KCND3: variants seen among roughly 807,000 people sequenced by gnomAD.
The protein encoded by KCND3 is potassium voltage-gated channel subfamily D member 3, also known as A-type voltage-gated potassium channel KCND3.
A neutral mutation model predicts 51.1 loss-of-function variants in KCND3; 9 were observed. That is an observed-to-expected ratio of 0.18 (90% CI 0.11 to 0.31). The LOEUF is 0.31. Among genes scored for constraint, KCND3 ranks in the 10% least tolerant of loss-of-function variants. The probability of loss-of-function intolerance (pLI) is 1.00; values close to 1 mark genes in which losing one functional copy is unlikely to be tolerated. For synonymous variants in KCND3, 349 were observed against 368.0 expected, an observed-to-expected ratio of 0.95 and a Z score of 0.59; for missense variants, 526 against 903.8, an observed-to-expected ratio of 0.58 and a Z score of 5.36.
At position 111,979,788 on chromosome 1, in the gene KCND3, G is replaced by A. The variant is rs115004102; in HGVS notation, c.1106+1833C>T. On this transcript the variant is annotated intron_variant, in intron 2 of 7. Transcript: ENST00000302127. ...TATGCAAAGTTCTTAGTACACTGCTGACATATAGTAGACAATCATATGCTG... is the reference window on the plus strand; with the variant it reads ...TATGCAAAGTTCTTAGTACACTGCTAACATATAGTAGACAATCATATGCTG... 2.6e-3 allele frequency among the ~76,000 whole-genome samples: 395 copies of A among 152,304 alleles called. 1 individual carries two copies. The highest frequency in any genetic ancestry group is 3.5e-3 in the Non-Finnish European group (235 of 68,026).
chr1:111,822,947 A>T (rs897050057), intron 2 of KCND3, among the ~76,000 whole-genome samples: 6 of 152,250 alleles, frequency 3.9e-5, no homozygotes, highest in Admixed American at 3.3e-4. Flanking sequence ...ACAAGATATC[A>T]TTTCCATATG....
intron 2 of KCND3, among the ~76,000 whole-genome samples, chr1:111,890,535 G>T (rs1274170098): frequency 1.3e-5 from 2 of 152,188 alleles, no homozygotes; most frequent in Non-Finnish European, 1.5e-5. Context: ...TAGAGGCAAA[G>T]AACTCAGATG....
intron 1 of KCND3, among the ~76,000 whole-genome samples, chr1:111,984,621 G>A (rs917351874): frequency 3.3e-5 from 5 of 151,966 alleles, no homozygotes; most frequent in East Asian, 1.9e-4. Context: ...TTTACCCCAC[G>A]ACCTACAAAA....
intron 2 of KCND3, among the ~76,000 whole-genome samples, chr1:111,800,777 A>G (rs1665273170): frequency 6.6e-6 from 1 of 152,232 alleles, no homozygotes; most frequent in African/African-American, 2.4e-5. Context: ...TGGAGAGAGC[A>G]CACGCCCTGA....
chr1:111,860,945 A>G (rs1318326757), intron 2 of KCND3, among the ~76,000 whole-genome samples: 2 of 152,224 alleles, frequency 1.3e-5, no homozygotes, highest in Non-Finnish European at 2.9e-5. Context: ...CCAGCAAGGA[A>G]GTCCTCCTGT....
At chr1:111,987,364 T>A (rs1309365622) in intron 1 of KCND3, among the ~76,000 whole-genome samples, 1 of 152,150 alleles carries the variant, frequency 6.6e-6, no homozygotes, top group Non-Finnish European at 1.5e-5. Context: ...CAGCCAAATG[T>A]TTACCCCATG....
chr1:111,884,825 T>A (rs1018814708), intron 2 of KCND3, among the ~76,000 whole-genome samples: 4 of 152,306 alleles, frequency 2.6e-5, no homozygotes, highest in East Asian at 1.9e-4. Context: ...CTTAAAAAAA[T>A]TTTTTGGTAA....
intron 2 of KCND3, chr1:111,909,678 G>A (rs754540011): frequency 6.6e-6 from 1 of 152,186 alleles, no homozygotes; most frequent in Non-Finnish European, 1.5e-5. Flanking sequence ...GAAAAGTCCT[G>A]TTGTCAAGAC....
chr1:111,781,318 G>GT (rs2101473259), intron 3 of KCND3, among the ~76,000 whole-genome samples: 2 of 152,098 alleles, frequency 1.3e-5, no homozygotes, highest in South Asian at 4.2e-4. Flanking sequence ...TTCTTTGCAC[G>GT]TATTACTAAG....
intron 2 of KCND3, among the ~76,000 whole-genome samples, chr1:111,855,417 T>C (rs1461064762): frequency 2.0e-5 from 3 of 152,202 alleles, no homozygotes; most frequent in Non-Finnish European, 4.4e-5. Flanking sequence ...GTGACTCTGA[T>C]CACCAGCTTG....
chr1:111,825,277 T>G (rs1666523846), intron 2 of KCND3, among the ~76,000 whole-genome samples: 1 of 152,154 alleles, frequency 6.6e-6, no homozygotes, highest in Admixed American at 6.5e-5. Context: ...TTTTGACCCA[T>G]ATGTCCGAGG....
chr1:111,843,124 GCTCAAGTTGAGC>G (rs1299276405), intron 2 of KCND3, among the ~76,000 whole-genome samples: 1 of 152,140 alleles, frequency 6.6e-6, no homozygotes, highest in Non-Finnish European at 1.5e-5. Flanking sequence ...CTAGACCTGA[GCTCAAGTTGAGC>G]TCAGAAAAAT....
In KCND3 at chr1:111,962,120, T is replaced by G. The variant is rs75871045; in HGVS notation, c.1106+19501A>C. The stretch of plus-strand genomic sequence containing the variant: ...CTGGGCACGCACATGTGCCAGGCCC[T>G]GGTCTAGGCACATTATAAACGTCAT... On this transcript the variant is annotated intron_variant, in intron 2 of 7. Coordinates refer to ENST00000302127, the MANE Select transcript of KCND3 (RefSeq NM_001378969.1). Among the ~76,000 whole-genome samples the G allele has an allele frequency of 5.7e-3, 863 of 152,310 alleles. 7 individuals are homozygous for G. Among genetic ancestry groups the G allele is most frequent in the African/African-American group, 0.02 (816 of 41,564 alleles).
At chr1:111,785,735 G>T (rs1159667024) in intron 3 of KCND3, among the ~76,000 whole-genome samples, 4 of 151,970 alleles carry the variant, frequency 2.6e-5, no homozygotes, top group Non-Finnish European at 1.5e-5. Flanking sequence ...TGAAATTCTG[G>T]ATTTCTTCCT....
intron 2 of KCND3, among the ~76,000 whole-genome samples, chr1:111,972,168 C>CTTTT (rs56102317): frequency 1.2e-5 from 1 of 80,196 alleles, no homozygotes; most frequent in Non-Finnish European, 2.3e-5. Flanking sequence ...ATTTGTATAT[C>CTTTT]TTTTTTTTTT....
intron 2 of KCND3, among the ~76,000 whole-genome samples, chr1:111,971,985 C>A (rs1333656050): frequency 6.6e-6 from 1 of 152,156 alleles, no homozygotes; most frequent in Non-Finnish European, 1.5e-5. Flanking sequence ...CCAAGGGTTC[C>A]CTTCCACATT....
At chr1:111,846,820 G>T (rs1667572068) in intron 2 of KCND3, among the ~76,000 whole-genome samples, 1 of 152,150 alleles carries the variant, frequency 6.6e-6, no homozygotes, top group African/African-American at 2.4e-5. Flanking sequence ...TGACAATGGG[G>T]GGAAACTGAG....
chr1:111,985,569 A>AT lies in KCND3; in HGVS notation c.-72-2772dup, dbSNP rs747183062. On this transcript the variant is annotated intron_variant, in intron 1 of 7. Coordinates refer to ENST00000302127, the MANE Select transcript of KCND3 (RefSeq NM_001378969.1). ...TGGGACCCCTGGTTTTATATGTGCC[A>AT]TTTTTTTTCCCATCAACTTTACTCT... Among the ~76,000 whole-genome samples the AT allele has an allele frequency of 3.0e-4, 46 of 152,078 alleles. 1 individual carries two copies. In the East Asian group the frequency reaches 7.6e-3, roughly 25 times the overall value.
intron 2 of KCND3, among the ~76,000 whole-genome samples, chr1:111,880,396 T>C (rs1669246998): frequency 2.0e-5 from 3 of 151,886 alleles, no homozygotes; most frequent in Non-Finnish European, 2.9e-5. Context: ...CCATGGAGAG[T>C]TTAGCCAGCC....
Sources: gnomAD v4.1 joint callset for allele counts (sites outside exome capture counted in the v4.1 genomes callset) on GRCh38, gnomAD v4.1.1 for gene constraint, MANE v1.5 for transcripts, NCBI Gene and HGNC (gene_info 2026-07-23, HGNC 2026-07-21) for gene names.